CDH13: variants seen among roughly 807,000 people sequenced by gnomAD.
CDH13 encodes the protein cadherin-13.
In CDH13, 24 loss-of-function variants were observed where a neutral mutation model predicts 63.8. The ratio of observed to expected loss-of-function variants is 0.38; its 90% CI spans 0.27 to 0.53. The LOEUF (loss-of-function observed/expected upper bound fraction) is 0.53. Among genes scored for constraint, CDH13 ranks in the 20% least tolerant of loss-of-function variants. CDH13 has a pLI of 0.85. For missense variants in CDH13, 1,049 were observed against 903.1 expected (o/e 1.16, Z -2.07); for synonymous variants, 503 against 355.3 (o/e 1.42, Z -4.67).
At chr16:82,735,454 A>G (rs1365535996) in intron 1 of CDH13, among the ~76,000 whole-genome samples, 1 of 152,236 alleles carries the variant, frequency 6.6e-6, no homozygotes, top group African/African-American at 2.4e-5. Context: ...ACAGTTATTT[A>G]TGCGACTTCA....
chr16:83,597,208 G>A (rs1907345774), intron 7 of CDH13, among the ~76,000 whole-genome samples: 1 of 138,566 alleles, frequency 7.2e-6, no homozygotes, highest in Non-Finnish European at 1.5e-5. Flanking sequence ...GGGTGACAGA[G>A]CAAGACCCTG....
intron 3 of CDH13, among the ~76,000 whole-genome samples, chr16:83,085,873 C>G (rs764801581): frequency 2.6e-5 from 4 of 152,292 alleles, no homozygotes; most frequent in Admixed American, 6.5e-5. Context: ...CCAGAGTAAA[C>G]AAAGAACCCT....
At chr16:83,733,759 C>T (rs1911269790) in intron 10 of CDH13, among the ~76,000 whole-genome samples, 1 of 152,192 alleles carries the variant, frequency 6.6e-6, no homozygotes, top group African/African-American at 2.4e-5. Context: ...TTCTGGTCTT[C>T]TGACATCCCA....
At chr16:83,484,258 C>T (rs1320134967) in intron 6 of CDH13, among the ~76,000 whole-genome samples, 1 of 152,174 alleles carries the variant, frequency 6.6e-6, no homozygotes, top group Non-Finnish European at 1.5e-5. Context: ...GGTGGTAAAA[C>T]CAGATGAATT....
chr16:83,182,143 G>A (rs1397514796), intron 4 of CDH13, among the ~76,000 whole-genome samples: 5 of 152,156 alleles, frequency 3.3e-5, no homozygotes, highest in African/African-American at 2.4e-5. Flanking sequence ...CTGAGCAAGA[G>A]CAATTTTACC....
chr16:83,081,250 C>A (rs752482410), intron 3 of CDH13, among the ~76,000 whole-genome samples: 10 of 152,072 alleles, frequency 6.6e-5, no homozygotes, highest in Admixed American at 1.3e-4. Flanking sequence ...ATTTATTGAG[C>A]ACCTGCTGTG....
Position 83,316,812 on chromosome 16 carries a change from G to A in CDH13, c.637-28050G>A, listed in dbSNP as rs140641725. On this transcript the variant is annotated intron_variant, in intron 5 of 13. Transcript: ENST00000567109. ...AACAAACAACTTCAAAATCACACTG[G>A]CCTAAAACAACAGATATTTATGCTT... Among the ~76,000 whole-genome samples the A allele has an allele frequency of 1.0e-3, 158 of 152,240 alleles. 1 individual carries two copies. The highest frequency in any genetic ancestry group is 3.6e-3 in the African/African-American group (150 of 41,548).
intron 4 of CDH13, among the ~76,000 whole-genome samples, chr16:83,205,363 C>G (rs144086119): frequency 2.6e-5 from 4 of 152,198 alleles, no homozygotes; most frequent in African/African-American, 9.6e-5. Flanking sequence ...TTGGGCCCAG[C>G]AAATAAAATG....
At chr16:83,205,094 T>C (rs188727670) in intron 4 of CDH13, among the ~76,000 whole-genome samples, 51 of 152,260 alleles carry the variant, frequency 3.3e-4, no homozygotes, top group African/African-American at 1.2e-3. Flanking sequence ...ATAAATCTGA[T>C]CTGTGAATAG....
chr16:83,576,743 A>G (rs977817587), intron 7 of CDH13, among the ~76,000 whole-genome samples: 3 of 152,116 alleles, frequency 2.0e-5, no homozygotes, highest in African/African-American at 7.2e-5. Context: ...TTTGACTTAC[A>G]TTTATGTCAT....
At chr16:83,263,977 G>C (rs949413736) in intron 5 of CDH13, among the ~76,000 whole-genome samples, 1 of 152,166 alleles carries the variant, frequency 6.6e-6, no homozygotes, top group African/African-American at 2.4e-5. Flanking sequence ...CTTATGTCAA[G>C]ATCCTAAAGT....
intron 2 of CDH13, among the ~76,000 whole-genome samples, chr16:82,965,934 G>C (rs1039133518): frequency 2.6e-5 from 4 of 152,200 alleles, no homozygotes; most frequent in African/African-American, 9.7e-5. Flanking sequence ...GCCCAGTGGA[G>C]AAAAAGTGCA....
chr16:82,684,790 T>C (rs1306746094), intron 1 of CDH13, among the ~76,000 whole-genome samples: 7 of 152,224 alleles, frequency 4.6e-5, no homozygotes, highest in Non-Finnish European at 1.0e-4. Context: ...CTTGCAGGCA[T>C]AGCCTGAGCC....
intron 3 of CDH13, 73 bp downstream of exon 3, chr16:83,032,291 G>C (rs1236037793): frequency 1.8e-6 from 2 of 1,139,274 alleles, no homozygotes; most frequent in Non-Finnish European, 2.5e-6. Flanking sequence ...TGGAAAATGG[G>C]TCTTTAATTT....
rs543341668 is a variant in CDH13 at position 82,682,089 on chromosome 16, T to C, written c.45+54952T>C. 4.4e-4 allele frequency among the ~76,000 whole-genome samples: 67 copies of C among 152,386 alleles called. 1 individual carries two copies. Among genetic ancestry groups the C allele is most frequent in the South Asian group, 8.3e-4 (4 of 4,832 alleles). ...ATAATAGATAACATGTATTGAATTTTTATTGTTAAAATGTGTATGAGAAGA... is the reference window on the plus strand; with the variant it reads ...ATAATAGATAACATGTATTGAATTTCTATTGTTAAAATGTGTATGAGAAGA... On this transcript the variant is annotated intron_variant, in intron 1 of 13. Transcript: ENST00000567109.
chr16:83,626,932 G>T (rs1910360136), intron 8 of CDH13, among the ~76,000 whole-genome samples: 1 of 152,068 alleles, frequency 6.6e-6, no homozygotes, highest in Non-Finnish European at 1.5e-5. Flanking sequence ...ACATCCTAGA[G>T]CATCTCACCT....
chr16:83,584,339 A>C (rs191474089), intron 7 of CDH13, among the ~76,000 whole-genome samples: 1 of 152,192 alleles, frequency 6.6e-6, no homozygotes, highest in Non-Finnish European at 1.5e-5. Flanking sequence ...AAAAATTTTT[A>C]AAAAATGCAT....
intron 3 of CDH13, among the ~76,000 whole-genome samples, chr16:83,121,179 G>A (rs963306729): frequency 3.3e-5 from 5 of 152,084 alleles, no homozygotes; most frequent in Non-Finnish European, 7.4e-5. Context: ...TTCTTTGCCT[G>A]CATATTGAGT....
intron 1 of CDH13, among the ~76,000 whole-genome samples, chr16:82,807,140 G>C (rs1300702744): frequency 1.3e-5 from 2 of 148,512 alleles, no homozygotes; most frequent in African/African-American, 2.5e-5. Flanking sequence ...ACTGACAACA[G>C]ACATTGCCAG....
Sources: gnomAD v4.1 joint callset for allele counts (sites outside exome capture counted in the v4.1 genomes callset) on GRCh38, gnomAD v4.1.1 for gene constraint, MANE v1.5 for transcripts, NCBI Gene and HGNC (gene_info 2026-07-23, HGNC 2026-07-21) for gene names.